The following CYFIP1 variants were observed in gnomAD, a reference collection of about 807,000 sequenced individuals.
CYFIP1 encodes the protein cytoplasmic FMR1-interacting protein 1.
A neutral mutation model predicts 163.5 loss-of-function variants in CYFIP1; 58 were observed. The ratio of observed to expected loss-of-function variants is 0.35; its 90% CI spans 0.29 to 0.44. The LOEUF is 0.44. CYFIP1 is among the 20% of genes least tolerant of loss of function. The probability of loss-of-function intolerance (pLI) is 1.00; values close to 1 mark genes in which losing one functional copy is unlikely to be tolerated. For missense variants in CYFIP1, 1,338 were observed against 1,653.8 expected, an observed-to-expected ratio of 0.81 and a Z score of 3.31; for synonymous variants, 663 against 660.7, an observed-to-expected ratio of 1.00 and a Z score of -0.05.
intron 1 of CYFIP1, among the ~76,000 whole-genome samples, chr15:22,977,879 G>A (rs191742242): frequency 6.6e-6 from 1 of 151,886 alleles, no homozygotes; most frequent in African/African-American, 2.4e-5. Context: ...AGAAAACAAA[G>A]GAGGGAGGGA....
intron 8 of CYFIP1, among the ~76,000 whole-genome samples, chr15:22,938,925 A>T (rs2061804277): frequency 3.0e-4 from 1 of 3,286 alleles, no homozygotes; most frequent in African/African-American, 9.1e-4. Context: ...AAGCAGCTTA[A>T]AAAAAAAAAA....
intron 22 of CYFIP1, among the ~76,000 whole-genome samples, chr15:22,895,664 G>C (rs551570221): frequency 6.6e-6 from 1 of 152,180 alleles, no homozygotes; most frequent in Non-Finnish European, 1.5e-5. Context: ...GGCCACACCA[G>C]AAAGACAGCA....
chr15:22,964,353 T>TCTCACACACA (rs1491543312), intron 1 of CYFIP1, among the ~76,000 whole-genome samples: 7 of 78,746 alleles, frequency 8.9e-5, no homozygotes, highest in African/African-American at 3.0e-4. Flanking sequence ...ACCTCATCAC[T>TCTCACACACA]CACACACACA....
intron 5 of CYFIP1, among the ~76,000 whole-genome samples, chr15:22,944,321 G>A (rs2063267051): frequency 6.6e-6 from 1 of 151,612 alleles, no homozygotes; most frequent in Non-Finnish European, 1.5e-5. Context: ...CAGGCTCCAT[G>A]AAGGAAACAT....
rs907895113 is a variant in CYFIP1, at chr15:22,868,455, C to T, written c.*1573G>A. Reference sequence around the variant, plus strand: ...TGGTATATAATTAAGCCTTATAAAACTTGGTAATTGATTAAGTTTTACCAT... The same window carrying T: ...TGGTATATAATTAAGCCTTATAAAATTTGGTAATTGATTAAGTTTTACCAT... On this transcript the variant is annotated 3_prime_UTR_variant, in exon 31 of 31. Transcript: ENST00000617928. 1 of 151,744 alleles carries T rather than the reference C, an allele frequency of 6.6e-6. No individual in the cohort carries two copies. The highest frequency in any genetic ancestry group is 2.4e-5 in the African/African-American group (1 of 41,026). 9.4% of individuals were successfully genotyped at this position (151,744 alleles called of 1,614,324 possible). A position where few individuals can be genotyped will look rare whatever the true frequency, so the allele number is the denominator to read the frequency against.
rs572972034 is a variant in CYFIP1, at chr15:22,972,553, T to C, written c.-7+7734A>G. Among the ~76,000 whole-genome samples, 58 of 152,304 alleles carry C rather than the reference T, an allele frequency of 3.8e-4. 3 individuals carry two copies. In the South Asian group the frequency reaches 9.3e-3, roughly 24 times the overall value. On this transcript the variant is annotated intron_variant, in intron 1 of 30. Coordinates refer to ENST00000617928, the MANE Select transcript of CYFIP1 (RefSeq NM_014608.6). ...AGAATAGAGCCTGGAAATAAATGCA[T>C]GCATTTGCAGCCAACTGATTTTTAA... is the stretch of plus-strand genomic sequence containing the variant.
chr15:22,874,468 C>T lies in CYFIP1; in HGVS notation c.3210+82G>A, dbSNP rs1260510441. The stretch of plus-strand genomic sequence containing the variant: ...CAGCCGCTGGACTTCACGATGCCTT[C>T]CAGTCTGGCTCCCAACCAGGCCACC... On this transcript the variant is annotated intron_variant, in intron 28 of 30. Transcript: ENST00000617928. 7.5e-6 allele frequency: 8 copies of T among 1,066,406 alleles called. No homozygotes were observed. In the Admixed American group the frequency reaches 2.0e-4, roughly 27 times the overall value. 66.1% of individuals were successfully genotyped at this position (1,066,406 alleles called of 1,614,324 possible). A position where few individuals can be genotyped will look rare whatever the true frequency, so the allele number is the denominator to read the frequency against.
At chr15:22,902,773 C>G (rs899512376) in intron 22 of CYFIP1, among the ~76,000 whole-genome samples, 1 of 152,136 alleles carries the variant, frequency 6.6e-6, no homozygotes, top group Non-Finnish European at 1.5e-5. Context: ...ATGCAACACA[C>G]CTGGGCCTGA....
chr15:22,906,807 G>C (rs1417056729), intron 21 of CYFIP1, among the ~76,000 whole-genome samples: 1 of 152,314 alleles, frequency 6.6e-6, no homozygotes, highest in Non-Finnish European at 1.5e-5. Flanking sequence ...CACTGTGAAA[G>C]ATGAAGTTAC....
chr15:22,887,993 T>C (rs991787869), intron 23 of CYFIP1, among the ~76,000 whole-genome samples: 5 of 152,170 alleles, frequency 3.3e-5, no homozygotes, highest in African/African-American at 1.2e-4. Context: ...TGAGCCTTCA[T>C]CTGTGAAATG....
At chr15:22,922,003 C>A (rs56375216) in intron 13 of CYFIP1, among the ~76,000 whole-genome samples, 57,361 of 151,884 alleles carry the variant, frequency 0.38, 11,053 homozygotes, top group East Asian at 0.55. Context: ...ACAACTGTAT[C>A]TGCACATGCG....
intron 6 of CYFIP1, 92 bp downstream of exon 6, chr15:22,943,081 A>C (rs1356906298): frequency 7.8e-7 from 1 of 1,277,302 alleles, no homozygotes; most frequent in Non-Finnish European, 1.1e-6. Context: ...TGACGACTTC[A>C]GCAAACAAAG....
At chr15:22,945,637 G>A (rs1048619430) in intron 3 of CYFIP1, among the ~76,000 whole-genome samples, 13 of 150,828 alleles carry the variant, frequency 8.6e-5, no homozygotes, top group Admixed American at 2.0e-4. Flanking sequence ...GCAGTGGCAC[G>A]ATCTCAGCTC....
chr15:22,944,107 CG>C (rs2061977331), intron 5 of CYFIP1, among the ~76,000 whole-genome samples: 1 of 151,772 alleles, frequency 6.6e-6, no homozygotes, highest in African/African-American at 2.4e-5. Flanking sequence ...GGCGTGGTGG[CG>C]GGCACCTGTA....
chr15:22,914,495 T>C (rs2060902611), intron 17 of CYFIP1, among the ~76,000 whole-genome samples: 1 of 151,794 alleles, frequency 6.6e-6, no homozygotes, highest in Non-Finnish European at 1.5e-5. Flanking sequence ...GTGCAATCCA[T>C]AGCTCAATGC....
chr15:22,883,300 C>A (rs549331631), intron 23 of CYFIP1, among the ~76,000 whole-genome samples: 1 of 152,160 alleles, frequency 6.6e-6, no homozygotes, highest in Non-Finnish European at 1.5e-5. Flanking sequence ...GAAATGAATA[C>A]GACCCAGAGT....
At chr15:22,923,185 T>C (rs1029228536) in intron 13 of CYFIP1, among the ~76,000 whole-genome samples, 19 of 151,968 alleles carry the variant, frequency 1.3e-4, no homozygotes, top group Non-Finnish European at 2.5e-4. Context: ...AGGACAATCA[T>C]AGAATGGGAG....
intron 13 of CYFIP1, among the ~76,000 whole-genome samples, chr15:22,920,100 C>T (rs1480846093): frequency 6.8e-6 from 1 of 148,106 alleles, no homozygotes; most frequent in Non-Finnish European, 1.5e-5. Context: ...AAACAAAAAA[C>T]AAACAAACAA....
intron 21 of CYFIP1, 114 bp downstream of exon 21, chr15:22,909,080 T>C (rs979196256): frequency 6.1e-5 from 82 of 1,334,254 alleles, no homozygotes; most frequent in South Asian, 5.7e-4. Context: ...TTATTATCTA[T>C]ACAAGAGGCT....
Sources: allele counts gnomAD v4.1 joint callset (sites outside exome capture counted in the v4.1 genomes callset), GRCh38; gene constraint gnomAD v4.1.1; transcripts MANE v1.5; gene names NCBI Gene and HGNC (gene_info 2026-07-23, HGNC 2026-07-21).